Variants in ARHGAP12 observed in about 807,000 individuals in gnomAD.
ARHGAP12 encodes the protein Rho GTPase activating protein 12.
In ARHGAP12, 64 loss-of-function variants were observed where a neutral mutation model predicts 108.6. The observed-to-expected ratio is 0.59, with a 90% CI of 0.48 to 0.73. The LOEUF (loss-of-function observed/expected upper bound fraction) is 0.73, where lower values mean the gene tolerates loss of function less well. Ranked by LOEUF, ARHGAP12 falls within the 30% of genes least tolerant of loss-of-function variation. The probability of loss-of-function intolerance (pLI) is 0.00; values close to 1 mark genes in which losing one functional copy is unlikely to be tolerated. For missense variants in ARHGAP12, 940 were observed against 1,005.9 expected (o/e 0.93, Z 0.89); for synonymous variants, 312 against 337.2 (o/e 0.93, Z 0.82).
intron 6 of ARHGAP12, among the ~76,000 whole-genome samples, chr10:31,844,072 A>C (rs1384451783): frequency 6.6e-6 from 1 of 152,234 alleles, no homozygotes; most frequent in Non-Finnish European, 1.5e-5. Flanking sequence ...AATTAAATTC[A>C]AAATGAACTA....
chr10:31,814,262 G>A lies in ARHGAP12; in HGVS notation c.1831C>T (p.Arg611Cys), dbSNP rs555184668. 11 of 1,613,288 alleles carry A rather than the reference G, an allele frequency of 6.8e-6. No homozygotes were observed. The highest frequency in any genetic ancestry group is 1.7e-4 in the Middle Eastern group (1 of 6,060). ...EKEQKDPKKL[R>C]SFKVSSIDSS... is the part of the protein sequence containing the mutation. ...AAATAGGGAAAGGACAACTTACAACGAAGCTTTTTGGGATCCTTTTGTTCC... is the reference window on the plus strand; with the variant it reads ...AAATAGGGAAAGGACAACTTACAACAAAGCTTTTTGGGATCCTTTTGTTCC... Residue 611 changes from arginine to cysteine, a missense_variant, in exon 14 of 20, where the codon CGT becomes TGT. Arg to Cys is a radical substitution (Grantham distance 180). Transcript: ENST00000344936.
At chr10:31,900,318 C>T (rs1394452527) in intron 3 of ARHGAP12, among the ~76,000 whole-genome samples, 5 of 152,168 alleles carry the variant, frequency 3.3e-5, no homozygotes. Flanking sequence ...CAAAGCTAAA[C>T]AGAGTCATAC....
intron 3 of ARHGAP12, among the ~76,000 whole-genome samples, chr10:31,871,743 T>TATC (rs1178201865): frequency 6.6e-6 from 1 of 152,156 alleles, no homozygotes; most frequent in Non-Finnish European, 1.5e-5. Context: ...TGGTAAAGAC[T>TATC]ATCTATCTGT....
At chr10:31,901,738 T>C (rs972789727) in intron 3 of ARHGAP12, among the ~76,000 whole-genome samples, 1 of 152,076 alleles carries the variant, frequency 6.6e-6, no homozygotes, top group African/African-American at 2.4e-5. Flanking sequence ...CTCTTGTATG[T>C]GCATACCAGA....
intron 4 of ARHGAP12, among the ~76,000 whole-genome samples, chr10:31,859,314 T>C (rs981681056): frequency 1.3e-5 from 2 of 152,190 alleles, no homozygotes; most frequent in African/African-American, 4.8e-5. Context: ...AAAGACCTAA[T>C]GGGTCTAACA....
At chr10:31,843,765 G>T (rs923546860) in intron 6 of ARHGAP12, among the ~76,000 whole-genome samples, 179 bp from the exon 7 acceptor site, 5 of 152,170 alleles carry the variant, frequency 3.3e-5, no homozygotes, top group Non-Finnish European at 7.4e-5. Flanking sequence ...TGGCACAATT[G>T]AGAAGATCAC....
rs942026824 is a variant in ARHGAP12, at chr10:31,837,667, A to C, written c.1386+1638T>G. ...GCCAACATCAGAAGGAAATGTGTAC[A>C]ACCCCTGATTAGTGCCAAAAAGACC... On this transcript the variant is annotated intron_variant, in intron 9 of 19. Transcript: ENST00000344936. 2.0e-5 allele frequency among the ~76,000 whole-genome samples: 3 copies of C among 152,218 alleles called. No homozygotes were observed. In the South Asian group the frequency reaches 6.2e-4, roughly 32 times the overall value.
intron 12 of ARHGAP12, among the ~76,000 whole-genome samples, chr10:31,819,089 G>A (rs1450012734): frequency 6.6e-6 from 1 of 151,700 alleles, no homozygotes; most frequent in African/African-American, 2.4e-5. Flanking sequence ...TCTAATGAGA[G>A]AAATAATTGA....
intron 17 of ARHGAP12, 29 bp downstream of exon 17, chr10:31,809,201 C>A (rs754118008): frequency 1.2e-6 from 2 of 1,613,396 alleles, no homozygotes; most frequent in Admixed American, 3.3e-5. Flanking sequence ...AGTGATGCAT[C>A]TGAATAACAA....
intron 1 of ARHGAP12, among the ~76,000 whole-genome samples, chr10:31,926,487 C>G (rs1370583075): frequency 6.6e-6 from 1 of 152,214 alleles, no homozygotes; most frequent in Non-Finnish European, 1.5e-5. Context: ...ATTTGCAATT[C>G]TAGCCAAAAT....
At chr10:31,885,891 A>C (rs1227696321) in intron 3 of ARHGAP12, among the ~76,000 whole-genome samples, 3 of 152,186 alleles carry the variant, frequency 2.0e-5, no homozygotes, top group African/African-American at 7.2e-5. Flanking sequence ...TAGCTTAAAA[A>C]AAAGAGGGCC....
chr10:31,915,443 A>G (rs1839515628), intron 1 of ARHGAP12, among the ~76,000 whole-genome samples: 4 of 152,000 alleles, frequency 2.6e-5, no homozygotes, highest in Admixed American at 2.6e-4. Flanking sequence ...CTAAGGGCCT[A>G]GGGGAGAAAT....
intron 3 of ARHGAP12, 54 bp from the exon 4 acceptor site, chr10:31,861,712 C>T: frequency 6.7e-7 from 1 of 1,493,456 alleles, no homozygotes; most frequent in Admixed American, 2.3e-5. Flanking sequence ...ACATTTAAGT[C>T]AAAATTAAAT....
rs375141152 is a variant in ARHGAP12, at chr10:31,839,289, G to A, written c.1386+16C>T. ...AGGTGTCTATGCCTATTAAGAAGGA[G>A]AGGATTGCTTCTTACCTTTGGACTG... On this transcript the variant is annotated intron_variant, in intron 9 of 19. Coordinates refer to ENST00000344936, the MANE Select transcript of ARHGAP12 (RefSeq NM_018287.7). 3 of 1,607,704 alleles carry A rather than the reference G, an allele frequency of 1.9e-6. No individual in the cohort carries two copies. Among genetic ancestry groups the A allele is most frequent in the Non-Finnish European group, 8.5e-7 (1 of 1,175,282 alleles).
At chr10:31,887,231 C>T (rs1267961456) in intron 3 of ARHGAP12, among the ~76,000 whole-genome samples, 1 of 152,238 alleles carries the variant, frequency 6.6e-6, no homozygotes, top group East Asian at 1.9e-4. Context: ...TTTCTTCTTG[C>T]TCAGGGAAGG....
chr10:31,846,686 A>T (rs1310350576), intron 6 of ARHGAP12, among the ~76,000 whole-genome samples: 4 of 152,118 alleles, frequency 2.6e-5, no homozygotes, highest in Non-Finnish European at 5.9e-5. Context: ...GAATACAATG[A>T]GCCTGGATAT....
intron 1 of ARHGAP12, among the ~76,000 whole-genome samples, chr10:31,920,813 C>T (rs1388010242): frequency 6.6e-6 from 1 of 152,174 alleles, no homozygotes; most frequent in Non-Finnish European, 1.5e-5. Context: ...CTGTATACCA[C>T]ATTCTCGGCC....
intron 12 of ARHGAP12, among the ~76,000 whole-genome samples, chr10:31,819,158 TAAA>T (rs1479440041): frequency 6.6e-6 from 1 of 151,862 alleles, no homozygotes; most frequent in Non-Finnish European, 1.5e-5. Context: ...TTATTATAAA[TAAA>T]GAAGTAGCCT....
rs1362510060 is a variant in ARHGAP12, at chr10:31,810,679, T to G, written c.2020A>C (p.Lys674Gln). 1 of 1,605,184 alleles carries G rather than the reference T, an allele frequency of 6.2e-7. No individual in the cohort carries two copies. Among genetic ancestry groups the G allele is most frequent in the Non-Finnish European group, 8.5e-7 (1 of 1,176,586 alleles). ...TCTTCAACATGTTCAATACATAACT[T>G]CACAAACTTTGGTACTGTGCCATTC... ...RENGTVPKFV[K>Q]LCIEHVEEHG... is the part of the protein sequence containing the mutation. Residue 674 changes from lysine to glutamine, a missense_variant, in exon 16 of 20, where the codon AAG (lysine) becomes CAG (glutamine). Coordinates refer to ENST00000344936, the MANE Select transcript of ARHGAP12 (RefSeq NM_018287.7).
Sources: allele counts gnomAD v4.1 joint callset (sites outside exome capture counted in the v4.1 genomes callset), GRCh38; gene constraint gnomAD v4.1.1; transcripts MANE v1.5; gene names NCBI Gene and HGNC (gene_info 2026-07-23, HGNC 2026-07-21).